LYPLAL1: variants seen among roughly 807,000 people sequenced by gnomAD.
LYPLAL1 encodes lysophospholipase like 1, also known as lysophospholipase-like protein 1.
Under a neutral mutation model 19.7 loss-of-function variants are expected in LYPLAL1, and 23 were observed. The observed-to-expected ratio is 1.17, with a 90% CI of 0.84 to 1.65. LYPLAL1 has a LOEUF of 1.65. Among genes scored for constraint, LYPLAL1 ranks in the 40% most tolerant of loss-of-function variants. The pLI, the probability that LYPLAL1 is intolerant of heterozygous loss-of-function variation, is 0.00. For missense variants in LYPLAL1, 355 were observed against 279.4 expected, an observed-to-expected ratio of 1.27 and a Z score of -1.93; for synonymous variants, 119 against 96.3, an observed-to-expected ratio of 1.24 and a Z score of -1.38.
chr1:219,338,347 A>C, the LYPLAL1 span, among the ~76,000 whole-genome samples: 1 of 151,990 alleles, frequency 6.6e-6, no homozygotes, highest in Non-Finnish European at 1.5e-5. Flanking sequence ...GAATTCCGAT[A>C]ATGTTATTTG....
chr1:219,428,905 A>C, the LYPLAL1 span, among the ~76,000 whole-genome samples: 1 of 151,846 alleles, frequency 6.6e-6, no homozygotes, highest in South Asian at 2.1e-4. Context: ...CTGGGTACAG[A>C]CTATTATAGC....
At chr1:219,309,756 C>T in the LYPLAL1 span, among the ~76,000 whole-genome samples, 2 of 152,170 alleles carry the variant, frequency 1.3e-5, no homozygotes, top group African/African-American at 4.8e-5. Context: ...TTCAATTAAA[C>T]CTCTTTTTCT....
chr1:219,282,508 CAAA>C, the LYPLAL1 span, among the ~76,000 whole-genome samples: 1 of 138,304 alleles, frequency 7.2e-6, no homozygotes. Flanking sequence ...CAATGAATGA[CAAA>C]AAAAAAAAAA....
the LYPLAL1 span, among the ~76,000 whole-genome samples, chr1:219,440,934 C>T: frequency 6.6e-6 from 1 of 152,150 alleles, no homozygotes; most frequent in Admixed American, 6.5e-5. Context: ...TAGAGGCTCA[C>T]AGCACCATTT....
the LYPLAL1 span, among the ~76,000 whole-genome samples, chr1:219,370,343 G>A: frequency 5.3e-5 from 8 of 152,000 alleles, no homozygotes; most frequent in East Asian, 7.7e-4. Flanking sequence ...TTCTTTTCTC[G>A]TGGCCCATGA....
the LYPLAL1 span, among the ~76,000 whole-genome samples, chr1:219,234,566 A>T: frequency 6.6e-5 from 10 of 152,274 alleles, no homozygotes; most frequent in African/African-American, 2.4e-4. Flanking sequence ...ATTGAAAGTT[A>T]TATAAAATAA....
the LYPLAL1 span, among the ~76,000 whole-genome samples, chr1:219,368,814 C>T: frequency 6.6e-6 from 1 of 152,084 alleles, no homozygotes; most frequent in Non-Finnish European, 1.5e-5. Context: ...CAAACTGTAA[C>T]AGTTCTGAAC....
At chr1:219,306,849 T>TAGATAGACAGAC in the LYPLAL1 span, among the ~76,000 whole-genome samples, 4,288 of 135,242 alleles carry the variant, frequency 0.032, 77 homozygotes, top group African/African-American at 0.037. Flanking sequence ...GATAGATAGA[T>TAGATAGACAGAC]AGACAGACAG....
At chr1:219,325,826 C>T in the LYPLAL1 span, among the ~76,000 whole-genome samples, 1 of 152,174 alleles carries the variant, frequency 6.6e-6, no homozygotes, top group East Asian at 1.9e-4. Context: ...TATCTTCTGA[C>T]CAATCCTGTA....
At chr1:219,318,771 T>C in the LYPLAL1 span, among the ~76,000 whole-genome samples, 49 of 152,296 alleles carry the variant, frequency 3.2e-4, no homozygotes, top group African/African-American at 1.2e-3. Context: ...CTGATGAAAT[T>C]ACCGTGTCCT....
chr1:219,245,941 G>A, the LYPLAL1 span, among the ~76,000 whole-genome samples: 1 of 152,288 alleles, frequency 6.6e-6, no homozygotes, highest in South Asian at 2.1e-4. Context: ...GAAGTTAGGA[G>A]ATGGACCATC....
the LYPLAL1 span, among the ~76,000 whole-genome samples, chr1:219,300,901 A>G: frequency 6.6e-6 from 1 of 152,068 alleles, no homozygotes; most frequent in Non-Finnish European, 1.5e-5. Context: ...TCTTTTAGAT[A>G]TTTCAAAGTT....
chr1:219,414,444 TC>T, the LYPLAL1 span, among the ~76,000 whole-genome samples: 1 of 152,202 alleles, frequency 6.6e-6, no homozygotes, highest in African/African-American at 2.4e-5. Flanking sequence ...GGACTTAAAT[TC>T]CAGCTCTGCC....
the LYPLAL1 span, among the ~76,000 whole-genome samples, chr1:219,279,188 A>G: frequency 6.6e-6 from 1 of 152,220 alleles, no homozygotes; most frequent in Admixed American, 6.5e-5. Flanking sequence ...ATGTTCTTGC[A>G]TCCAGGCAAT....
At chr1:219,371,706 C>G in the LYPLAL1 span, among the ~76,000 whole-genome samples, 1 of 152,286 alleles carries the variant, frequency 6.6e-6, no homozygotes, top group Non-Finnish European at 1.5e-5. Context: ...AGACAAACGC[C>G]AAGCTGTAAC....
the LYPLAL1 span, among the ~76,000 whole-genome samples, chr1:219,311,572 A>G: frequency 6.9e-6 from 1 of 145,226 alleles, no homozygotes; most frequent in Admixed American, 6.9e-5. Context: ...TGTCTTTTTC[A>G]TCTTTCTATC....
At chr1:219,206,471 C>T (rs909470366) in intron 3 of LYPLAL1, among the ~76,000 whole-genome samples, 1 of 151,860 alleles carries the variant, frequency 6.6e-6, no homozygotes, top group Non-Finnish European at 1.5e-5. Context: ...ACACAAAGTC[C>T]CTTTTCACAG....
the LYPLAL1 span, among the ~76,000 whole-genome samples, chr1:219,399,855 G>A: frequency 6.6e-6 from 1 of 152,152 alleles, no homozygotes; most frequent in East Asian, 1.9e-4. Context: ...ATTGGAGCAA[G>A]TTAAGCCCAG....
At chr1:219,352,070 T>C in the LYPLAL1 span, among the ~76,000 whole-genome samples, 10 of 152,220 alleles carry the variant, frequency 6.6e-5, no homozygotes, top group African/African-American at 2.2e-4. Flanking sequence ...AAGAGCTACA[T>C]CTGCTCCACT....
Sources: gnomAD v4.1 joint callset for allele counts (sites outside exome capture counted in the v4.1 genomes callset) on GRCh38, gnomAD v4.1.1 for gene constraint, MANE v1.5 for transcripts, NCBI Gene and HGNC (gene_info 2026-07-23, HGNC 2026-07-21) for gene names.